SLC24A2: variants seen among roughly 807,000 people sequenced by gnomAD.
The protein encoded by SLC24A2 is sodium/potassium/calcium exchanger 2.
A neutral mutation model predicts 62.0 loss-of-function variants in SLC24A2; 36 were observed. That is an observed-to-expected ratio of 0.58 (90% CI 0.44 to 0.77). The LOEUF (loss-of-function observed/expected upper bound fraction) is 0.77. Ranked by LOEUF, SLC24A2 falls within the 30% of genes least tolerant of loss-of-function variation. SLC24A2 has a pLI of 0.00. For missense variants in SLC24A2, 846 were observed against 817.9 expected (o/e 1.03, Z -0.42); for synonymous variants, 358 against 294.0 (o/e 1.22, Z -2.23).
chr9:20,056,641 C>G, the SLC24A2 span, among the ~76,000 whole-genome samples: 3 of 152,192 alleles, frequency 2.0e-5, no homozygotes, highest in African/African-American at 7.2e-5. Flanking sequence ...CAGTGGAAAT[C>G]AGATTCTTAC....
At chr9:19,542,911 T>C (rs982017609) in intron 8 of SLC24A2, among the ~76,000 whole-genome samples, 3 of 152,176 alleles carry the variant, frequency 2.0e-5, no homozygotes, top group African/African-American at 7.2e-5. Context: ...TTTTGTTGTG[T>C]CTCTGGCAGG....
the SLC24A2 span, among the ~76,000 whole-genome samples, chr9:19,951,424 A>C: frequency 2.0e-5 from 3 of 151,898 alleles, no homozygotes; most frequent in Middle Eastern, 3.2e-3. Flanking sequence ...TCTAAGAAAT[A>C]TTTGCTTAAC....
the SLC24A2 span, among the ~76,000 whole-genome samples, chr9:20,261,603 G>A: frequency 1.3e-5 from 2 of 152,068 alleles, no homozygotes; most frequent in Non-Finnish European, 2.9e-5. Flanking sequence ...TTTCCAACAC[G>A]TGAATTTTGG....
At chr9:19,527,761 C>G (rs1013087442) in intron 9 of SLC24A2, among the ~76,000 whole-genome samples, 1 of 152,178 alleles carries the variant, frequency 6.6e-6, no homozygotes, top group African/African-American at 2.4e-5. Context: ...TGACATTGCT[C>G]TCAGGTCTGG....
chr9:20,188,242 A>T, the SLC24A2 span, among the ~76,000 whole-genome samples: 3 of 152,210 alleles, frequency 2.0e-5, no homozygotes, highest in African/African-American at 7.2e-5. Flanking sequence ...GCTGCTGGAC[A>T]GTGGACCCCT....
intron 2 of SLC24A2, among the ~76,000 whole-genome samples, chr9:19,667,933 T>C (rs950814971): frequency 6.6e-6 from 1 of 152,222 alleles, no homozygotes; most frequent in Non-Finnish European, 1.5e-5. Flanking sequence ...GGACTTTTCC[T>C]TCTCATCCAC....
chr9:19,625,172 T>C (rs113268367), intron 2 of SLC24A2, among the ~76,000 whole-genome samples: 184 of 152,304 alleles, frequency 1.2e-3, no homozygotes, highest in African/African-American at 4.2e-3. Context: ...ATTCTTATGA[T>C]GCATTTTGCT....
In SLC24A2 at chr9:19,545,636, G is replaced by GT. The variant is rs542905427; in HGVS notation, c.1479+4500dup. Among the ~76,000 whole-genome samples, 81 of 150,066 alleles carry GT rather than the reference G, an allele frequency of 5.4e-4. 1 individual carries two copies. Among genetic ancestry groups the GT allele is most frequent in the Middle Eastern group, 3.4e-3 (1 of 294 alleles). On this transcript the variant is annotated intron_variant, in intron 8 of 10. Transcript: ENST00000341998. ...GTAGATGTGCTATTCCTATTTTTTA[G>GT]TTTTTTTTTCTTTTTTTTTTGTGAC...
At chr9:19,807,044 CAT>C in the SLC24A2 span, among the ~76,000 whole-genome samples, 30 of 152,234 alleles carry the variant, frequency 2.0e-4, no homozygotes, top group African/African-American at 7.0e-4. Context: ...AAAGAGAAAA[CAT>C]AGGGAGAAAT....
At chr9:20,054,496 A>G in the SLC24A2 span, among the ~76,000 whole-genome samples, 1 of 152,128 alleles carries the variant, frequency 6.6e-6, no homozygotes, top group African/African-American at 2.4e-5. Flanking sequence ...CTGGTCATTT[A>G]GTGGTGATTT....
At chr9:19,842,558 T>C in the SLC24A2 span, among the ~76,000 whole-genome samples, 2 of 152,172 alleles carry the variant, frequency 1.3e-5, no homozygotes, top group Non-Finnish European at 2.9e-5. Flanking sequence ...TTCCAAGTAA[T>C]ATCTCACTCA....
intron 2 of SLC24A2, among the ~76,000 whole-genome samples, chr9:19,695,619 C>G (rs2118493060): frequency 8.0e-6 from 1 of 125,074 alleles, no homozygotes; most frequent in South Asian, 2.7e-4. Flanking sequence ...CAGAGAAATT[C>G]TTGTACATGT....
the SLC24A2 span, among the ~76,000 whole-genome samples, chr9:20,036,535 T>G: frequency 5.3e-5 from 8 of 152,222 alleles, no homozygotes; most frequent in South Asian, 6.2e-4. Flanking sequence ...TGTTCTCTGC[T>G]TCTATGAGTT....
chr9:20,105,711 A>C, the SLC24A2 span, among the ~76,000 whole-genome samples: 2 of 151,942 alleles, frequency 1.3e-5, no homozygotes, highest in Non-Finnish European at 2.9e-5. Flanking sequence ...GTGTAGAGGG[A>C]AATTTATAGC....
At chr9:19,576,739 C>T (rs1055702971) in intron 6 of SLC24A2, among the ~76,000 whole-genome samples, 185 bp downstream of exon 6, 7 of 152,182 alleles carry the variant, frequency 4.6e-5, no homozygotes, top group Non-Finnish European at 1.0e-4. Context: ...TGGTGACATA[C>T]TGTGTCCATG....
the SLC24A2 span, among the ~76,000 whole-genome samples, chr9:19,850,029 T>C: frequency 6.6e-6 from 1 of 151,892 alleles, no homozygotes; most frequent in South Asian, 2.1e-4. Flanking sequence ...CTGCTTTTTT[T>C]TTTTTTGTAG....
At chr9:19,941,590 T>TGTGTGTGTGTGTGA in the SLC24A2 span, among the ~76,000 whole-genome samples, 296 of 127,976 alleles carry the variant, frequency 2.3e-3, 3 homozygotes, top group Non-Finnish European at 2.7e-3. Context: ...TGTGTGTGTG[T>TGTGTGTGTGTGTGA]GAGAGAGAGA....
intron 2 of SLC24A2, among the ~76,000 whole-genome samples, chr9:19,745,476 G>A (rs779535527): frequency 9.9e-5 from 15 of 152,244 alleles, no homozygotes; most frequent in Middle Eastern, 6.8e-3. Flanking sequence ...TGCTAGAACT[G>A]CAGAATTTCA....
chr9:19,948,762 G>A, the SLC24A2 span, among the ~76,000 whole-genome samples: 45 of 149,788 alleles, frequency 3.0e-4, no homozygotes, highest in Non-Finnish European at 6.4e-4. Context: ...GGAGAATGGC[G>A]TGAACCCGGA....
Sources: allele counts gnomAD v4.1 joint callset (sites outside exome capture counted in the v4.1 genomes callset), GRCh38; gene constraint gnomAD v4.1.1; transcripts MANE v1.5; gene names NCBI Gene and HGNC (gene_info 2026-07-23, HGNC 2026-07-21).